The following FAM227B variants were observed in gnomAD, a reference collection of about 807,000 sequenced individuals.
FAM227B encodes the protein family with sequence similarity 227 member B.
In FAM227B, 88 loss-of-function variants were observed where a neutral mutation model predicts 73.8. The ratio of observed to expected loss-of-function variants is 1.19; its 90% CI spans 1.00 to 1.42. The LOEUF is 1.42. Among genes scored for constraint, FAM227B ranks in the 40% most tolerant of loss-of-function variants. The probability of loss-of-function intolerance (pLI) is 0.00; values close to 1 mark genes in which losing one functional copy is unlikely to be tolerated. For missense variants in FAM227B, 632 were observed against 590.9 expected, an observed-to-expected ratio of 1.07 and a Z score of -0.72; for synonymous variants, 210 against 190.5, an observed-to-expected ratio of 1.10 and a Z score of -0.84.
chr15:49,484,716 G>C (rs1276339029), intron 11 of FAM227B: 68 of 380,438 alleles, frequency 1.8e-4, no homozygotes, highest in Non-Finnish European at 9.3e-6. Flanking sequence ...ACAAAAATCA[G>C]ATTTAGTAAC....
In FAM227B at chr15:49,576,844, C is replaced by T. The variant is rs1307605963; in HGVS notation, c.443G>A (p.Gly148Asp). The T allele has an allele frequency of 1.3e-6, 2 of 1,598,618 alleles. No homozygotes were observed. Among genetic ancestry groups the T allele is most frequent in the Admixed American group, 1.7e-5 (1 of 58,992 alleles). ...TGCTTTGAATCCTGTGAAGCTGCAA[C>T]CCTAGAAAGAGGAAAATATAACAGG... ...DEMETEKNIE[G>D]CSFTGFKANE... Residue 148 changes from glycine (G) to aspartate (D), a missense_variant and splice_region_variant, in exon 7 of 16, where the codon GGT becomes GAT. Transcript: ENST00000299338.
At chr15:49,435,926 T>A (rs888326048) in intron 11 of FAM227B, among the ~76,000 whole-genome samples, 1 of 151,548 alleles carries the variant, frequency 6.6e-6, no homozygotes, top group Admixed American at 6.6e-5. Context: ...TGTAAGTATA[T>A]AATTAATGTT....
intron 10 of FAM227B, among the ~76,000 whole-genome samples, chr15:49,524,687 T>C (rs915635795): frequency 2.0e-5 from 3 of 151,984 alleles, no homozygotes; most frequent in Admixed American, 6.5e-5. Context: ...CGCCAGCTGG[T>C]GAAAGCAGCC....
intron 15 of FAM227B, 37 bp downstream of exon 15, chr15:49,331,739 TAGAG>T (rs760639050): frequency 8.2e-7 from 1 of 1,219,194 alleles, no homozygotes; most frequent in South Asian, 1.2e-5. Flanking sequence ...TAAAAGAAGC[TAGAG>T]AGAGAATTCT....
At chr15:49,464,772 G>A (rs1257366410) in intron 11 of FAM227B, among the ~76,000 whole-genome samples, 2 of 152,100 alleles carry the variant, frequency 1.3e-5, no homozygotes, top group Non-Finnish European at 2.9e-5. Context: ...TAGTATCTCC[G>A]TGTAAACAGT....
At chr15:49,405,627 G>A (rs2048460342) in intron 11 of FAM227B, among the ~76,000 whole-genome samples, 1 of 152,108 alleles carries the variant, frequency 6.6e-6, no homozygotes, top group African/African-American at 2.4e-5. Flanking sequence ...CCTTTCTATA[G>A]TGGCTATTCT....
At chr15:49,529,778 C>T (rs974194187) in intron 10 of FAM227B, among the ~76,000 whole-genome samples, 1 of 151,672 alleles carries the variant, frequency 6.6e-6, no homozygotes, top group Non-Finnish European at 1.5e-5. Context: ...CTTCTCTCAT[C>T]TCTAAATCTT....
chr15:49,484,801 T>C (rs975104498), intron 11 of FAM227B: 4 of 225,034 alleles, frequency 1.8e-5, no homozygotes, highest in Non-Finnish European at 3.4e-5. Context: ...CTTAAATTAA[T>C]TTACCCTTAA....
chr15:49,362,340 T>G (rs1244622522), intron 13 of FAM227B, among the ~76,000 whole-genome samples: 2 of 152,302 alleles, frequency 1.3e-5, no homozygotes, highest in African/African-American at 4.8e-5. Context: ...AAGAAGGTTC[T>G]TGCTTCCCCT....
At position 49,333,250 on chromosome 15, in the gene FAM227B, T is replaced by A. The variant is rs75895521; in HGVS notation, c.1350-1401A>T. On this transcript the variant is annotated intron_variant, in intron 14 of 15. Coordinates refer to ENST00000299338, the MANE Select transcript of FAM227B (RefSeq NM_152647.3). The stretch of plus-strand genomic sequence containing the variant: ...CATTCATGAAGTTTTATAACATTAC[T>A]AATCCTCCCTCTTTCTGATTGCCTT... 1.5e-3 allele frequency among the ~76,000 whole-genome samples: 227 copies of A among 152,330 alleles called. 1 individual carries two copies. The highest frequency in any genetic ancestry group is 5.2e-3 in the African/African-American group (215 of 41,568).
intron 8 of FAM227B, among the ~76,000 whole-genome samples, chr15:49,569,572 T>C (rs2074941495): frequency 6.6e-6 from 1 of 152,030 alleles, no homozygotes; most frequent in African/African-American, 2.4e-5. Flanking sequence ...GTATACAATG[T>C]GAAATGATTA....
At chr15:49,401,439 G>A (rs1231544373) in intron 11 of FAM227B, among the ~76,000 whole-genome samples, 1 of 152,016 alleles carries the variant, frequency 6.6e-6, no homozygotes, top group Non-Finnish European at 1.5e-5. Flanking sequence ...GGAAGTCAGT[G>A]TGGCGATTCC....
intron 10 of FAM227B, 70 bp from the exon 11 acceptor site, chr15:49,508,418 C>A: frequency 1.5e-6 from 2 of 1,338,494 alleles, no homozygotes; most frequent in Non-Finnish European, 2.0e-6. Context: ...TTTGTCAAAG[C>A]ATTTTTATGA....
chr15:49,502,636 T>C (rs2058235753), intron 11 of FAM227B, among the ~76,000 whole-genome samples: 1 of 152,242 alleles, frequency 6.6e-6, no homozygotes. Context: ...TTGTTTTAGA[T>C]GAGACTTTGG....
At chr15:49,517,364 T>C (rs2059444699) in intron 10 of FAM227B, among the ~76,000 whole-genome samples, 1 of 152,194 alleles carries the variant, frequency 6.6e-6, no homozygotes, top group Non-Finnish European at 1.5e-5. Flanking sequence ...TTGAATCTAG[T>C]ATTTTAGATC....
chr15:49,583,524 C>T (rs559381793), intron 5 of FAM227B, among the ~76,000 whole-genome samples: 42 of 152,098 alleles, frequency 2.8e-4, no homozygotes, highest in African/African-American at 9.4e-4. Context: ...ATGAATAATC[C>T]ACCCGTTGTT....
chr15:49,550,338 A>T, intron 9 of FAM227B, among the ~76,000 whole-genome samples: 1 of 105,288 alleles, frequency 9.5e-6, no homozygotes, highest in East Asian at 2.9e-4. Context: ...CGGCGGGCTG[A>T]CCCCCCCACC....
chr15:49,605,301 A>C (rs2077447307), intron 3 of FAM227B, among the ~76,000 whole-genome samples: 1 of 152,160 alleles, frequency 6.6e-6, no homozygotes, highest in African/African-American at 2.4e-5. Context: ...CTGAGCCCAC[A>C]GTGGCTAGCC....
At chr15:49,616,276 A>G (rs2078283048) in intron 1 of FAM227B, among the ~76,000 whole-genome samples, 1 of 152,214 alleles carries the variant, frequency 6.6e-6, no homozygotes, top group African/African-American at 2.4e-5. Context: ...TTATGAGAAC[A>G]GACACCAGAG....
Sources: allele counts gnomAD v4.1 joint callset (sites outside exome capture counted in the v4.1 genomes callset), GRCh38; gene constraint gnomAD v4.1.1; transcripts MANE v1.5; gene names NCBI Gene and HGNC (gene_info 2026-07-23, HGNC 2026-07-21).